PPP1R9B: variants seen among roughly 807,000 people sequenced by gnomAD.
PPP1R9B encodes neurabin-2.
PPP1R9B carries 17 observed loss-of-function variants against 75.8 expected under a neutral mutation model. The ratio of observed to expected loss-of-function variants is 0.22; its 90% CI spans 0.15 to 0.34. PPP1R9B has a LOEUF of 0.34. Ranked by LOEUF, PPP1R9B falls within the 10% of genes least tolerant of loss-of-function variation. The probability of loss-of-function intolerance (pLI) is 1.00; values close to 1 mark genes in which losing one functional copy is unlikely to be tolerated. For missense variants in PPP1R9B, 875 were observed against 1,196.0 expected (o/e 0.73, Z 3.96); for synonymous variants, 509 against 535.4 (o/e 0.95, Z 0.68).
Position 50,149,296 on chromosome 17 carries a change from C to A in PPP1R9B, c.1218G>T (p.Ala406=). ...CGTCGTCCTCCTCCAGGGCACTGCCCGCAGAGTCCTCCCCGAGCCCACTGT... is the reference window on the plus strand; with the variant it reads ...CGTCGTCCTCCTCCAGGGCACTGCCAGCAGAGTCCTCCCCGAGCCCACTGT... ...SAYSGLGEDS[A]GSALEEDDED... is the part of the protein sequence containing the mutation. The change falls in exon 1 of 10, where the codon GCG becomes GCT. Residue 406 remains alanine (A), a synonymous_variant. Transcript: ENST00000612501. This position sits in a 1 kb window ranked among gnomAD's most constrained non-coding sequence, Gnocchi z 7.2. 1 of 1,613,328 alleles carries A rather than the reference C, an allele frequency of 6.2e-7. No homozygotes were observed. The highest frequency in any genetic ancestry group is 2.2e-5 in the East Asian group (1 of 44,850).
In PPP1R9B at chr17:50,142,360, G is replaced by T. The variant is rs577119962; in HGVS notation, c.1626-987C>A. On this transcript the variant is annotated intron_variant, in intron 3 of 9. Transcript: ENST00000612501. The surrounding 1 kb of genome is among the most constrained non-coding windows in gnomAD (Gnocchi z 4.1). Reference sequence around the variant, plus strand: ...ATGCCACTCCCAGGTGGGCATGAGTGAGTGGCCACGGCCACCATGCACACT... The same window carrying T: ...ATGCCACTCCCAGGTGGGCATGAGTTAGTGGCCACGGCCACCATGCACACT... Among the ~76,000 whole-genome samples, 539 of 152,248 alleles carry T rather than the reference G, an allele frequency of 3.5e-3. 5 individuals carry two copies. The highest frequency in any genetic ancestry group is 0.012 in the African/African-American group (518 of 41,548).
At chr17:50,148,403 C>G (rs1788854159) in intron 1 of PPP1R9B, among the ~76,000 whole-genome samples, 1 of 152,210 alleles carries the variant, frequency 6.6e-6, no homozygotes, top group South Asian at 2.1e-4. Flanking sequence ...GGATCCCAGC[C>G]CCACCTCCTC....
In PPP1R9B at chr17:50,143,218, C is replaced by T. The variant is rs1356331867; in HGVS notation, c.1625+380G>A. ...CCATTGACTTCCCAGGGCCCAGCAC[C>T]GGCCCAACACTGTCAGAGACTCAAT... On this transcript the variant is annotated intron_variant, in intron 3 of 9. Transcript: ENST00000612501. Among the ~76,000 whole-genome samples, 4 of 152,078 alleles carry T rather than the reference C, an allele frequency of 2.6e-5. 1 individual carries two copies. Among genetic ancestry groups the T allele is most frequent in the East Asian group, 3.9e-4 (2 of 5,194 alleles).
chr17:50,143,876 G>T (rs1033200164), intron 2 of PPP1R9B, among the ~76,000 whole-genome samples, 158 bp from the exon 3 acceptor site: 3 of 152,234 alleles, frequency 2.0e-5, no homozygotes, highest in African/African-American at 7.2e-5. Flanking sequence ...CACCGTCTTT[G>T]CCAAGTCTAC....
chr17:50,148,599 T>G (rs1417748221), intron 1 of PPP1R9B, among the ~76,000 whole-genome samples: 1 of 151,974 alleles, frequency 6.6e-6, no homozygotes, highest in Admixed American at 6.5e-5. Context: ...AAAGTTGGGG[T>G]GGGGGTACAA....
At position 50,150,522 on chromosome 17, in the gene PPP1R9B, G is replaced by T. The variant is rs1455966192; in HGVS notation, c.-9C>A. On this transcript the variant is annotated 5_prime_UTR_variant, in exon 1 of 10. Coordinates refer to ENST00000612501, the MANE Select transcript of PPP1R9B (RefSeq NM_032595.5). This position sits in a 1 kb window ranked among gnomAD's most constrained non-coding sequence, Gnocchi z 8.7. ...GGCTCCGTCTTCATCATGGTGGGGG[G>T]AGCCGGGTTCGCATGCCCCTGCTCC... is the stretch of plus-strand genomic sequence containing the variant. The T allele has an allele frequency of 1.5e-6, 2 of 1,321,460 alleles. No homozygotes were observed. The highest frequency in any genetic ancestry group is 1.9e-6 in the Non-Finnish European group (2 of 1,034,546). The allele number at this position is 1,321,460 out of a possible 1,614,324, so 81.9% of individuals were successfully genotyped here. A position where few individuals can be genotyped will look rare whatever the true frequency, so the allele number is the denominator to read the frequency against.
At position 50,150,176 on chromosome 17, in the gene PPP1R9B, A is replaced by G; in HGVS notation, c.338T>C (p.Leu113Pro). ...ENVDHSALLK[L>P]GTSVSERVSR... The stretch of plus-strand genomic sequence containing the variant: ...CACGCGCTCCGACACGCTGGTGCCC[A>G]GCTTCAGCAGGGCGCTGTGGTCCAC... The change falls in exon 1 of 10, where the codon CTG becomes CCG. Residue 113 changes from leucine (L) to proline (P), a missense_variant. Coordinates refer to ENST00000612501, the MANE Select transcript of PPP1R9B (RefSeq NM_032595.5). The surrounding 1 kb of genome is among the most constrained non-coding windows in gnomAD (Gnocchi z 8.7). 1 of 1,454,814 alleles carries G rather than the reference A, an allele frequency of 6.9e-7. No homozygotes were observed. Among genetic ancestry groups the G allele is most frequent in the African/African-American group, 1.5e-5 (1 of 67,844 alleles). The allele number at this position is 1,454,814 out of a possible 1,614,324, so 90.1% of individuals were successfully genotyped here.
intron 9 of PPP1R9B, 83 bp downstream of exon 9, chr17:50,135,470 C>T: frequency 1.3e-6 from 2 of 1,572,600 alleles, no homozygotes; most frequent in Non-Finnish European, 1.7e-6. Flanking sequence ...GACATGGCAT[C>T]CCCTCCCTCC....
In PPP1R9B at chr17:50,150,178, C is replaced by A. The variant is rs367543204; in HGVS notation, c.336G>T (p.Lys112Asn). The A allele has an allele frequency of 2.1e-6, 3 of 1,456,034 alleles. No homozygotes were observed. The highest frequency in any genetic ancestry group is 2.7e-6 in the Non-Finnish European group (3 of 1,105,838). 90.2% of individuals were successfully genotyped at this position (1,456,034 alleles called of 1,614,324 possible). A position where few individuals can be genotyped will look rare whatever the true frequency, so the allele number is the denominator to read the frequency against. Residue 112 changes from lysine (K) to asparagine (N), a missense_variant, in exon 1 of 10, where the codon AAG (lysine) becomes AAT (asparagine). Lys to Asn is a moderately conservative substitution (Grantham distance 94, BLOSUM62 0). This residue lies in a region of PPP1R9B where 145 missense variants were observed against 226.1 expected (regional missense o/e 0.64). Transcript: ENST00000612501. The surrounding 1 kb of genome is among the most constrained non-coding windows in gnomAD (Gnocchi z 8.7). Reference sequence around the variant, plus strand: ...CGCGCTCCGACACGCTGGTGCCCAGCTTCAGCAGGGCGCTGTGGTCCACGT... The same window carrying A: ...CGCGCTCCGACACGCTGGTGCCCAGATTCAGCAGGGCGCTGTGGTCCACGT... ...NENVDHSALL[K>N]LGTSVSERVS...
chr17:50,141,291 G>A lies in PPP1R9B; in HGVS notation c.1708C>T (p.Arg570Trp), dbSNP rs762802980. The change falls in exon 4 of 10, where the codon CGG becomes TGG. Residue 570 changes from arginine (R) to tryptophan (W), a missense_variant. Arg to Trp is a moderately radical substitution (Grantham distance 101). Transcript: ENST00000612501. Reference sequence around the variant, plus strand: ...CACCGCACTCGGCCCTTGGTGTTCCGGAGCACAGACGCCGCGAAGCTCTGG... The same window carrying A: ...CACCGCACTCGGCCCTTGGTGTTCCAGAGCACAGACGCCGCGAAGCTCTGG... ...VTQSFAASVL[R>W]NTKGRVRFMI... is the part of the protein sequence containing the mutation. 4 of 1,586,954 alleles carry A rather than the reference G, an allele frequency of 2.5e-6. No homozygotes were observed. Among genetic ancestry groups the A allele is most frequent in the Non-Finnish European group, 3.4e-6 (4 of 1,167,592 alleles).
In PPP1R9B at chr17:50,141,264, C is replaced by T; in HGVS notation, c.1730+5G>A. On this transcript the variant is annotated splice_donor_5th_base_variant and intron_variant, in intron 4 of 9. Coordinates refer to ENST00000612501, the MANE Select transcript of PPP1R9B (RefSeq NM_032595.5). The stretch of plus-strand genomic sequence containing the variant: ...CTCCCACGCCCCACCCCTCTGGGCT[C>T]TCACCGCACTCGGCCCTTGGTGTTC... The T allele has an allele frequency of 6.4e-7, 1 of 1,566,376 alleles. No individual in the cohort carries two copies.
chr17:50,140,430 C>T (rs1912345123), intron 4 of PPP1R9B: 3 of 663,404 alleles, frequency 4.5e-6, no homozygotes, highest in Non-Finnish European at 7.6e-6. Context: ...GGCAGGAAGG[C>T]CCATTCACCC....
chr17:50,143,250 C>T (rs1030235583), intron 3 of PPP1R9B, among the ~76,000 whole-genome samples: 2 of 151,878 alleles, frequency 1.3e-5, no homozygotes, highest in East Asian at 1.9e-4. Flanking sequence ...CAATGTCCAG[C>T]GAAAAAAAAG....
chr17:50,149,893 C>A lies in PPP1R9B; in HGVS notation c.621G>T (p.Thr207=). Residue 207 remains threonine (T), a synonymous_variant, in exon 1 of 10, where the codon ACG becomes ACT. Transcript: ENST00000612501. This position sits in a 1 kb window ranked among gnomAD's most constrained non-coding sequence, Gnocchi z 7.2. The stretch of plus-strand genomic sequence containing the variant: ...CGAAGACGGCGCTGAGCTGGCTGAC[C>A]GTGGGGGACACGGCGTCAGCGTCCA... ...DKLDADAVSP[T]VSQLSAVFEK... 4.6e-6 allele frequency: 7 copies of A among 1,505,534 alleles called. No individual in the cohort carries two copies. Among genetic ancestry groups the A allele is most frequent in the Non-Finnish European group, 6.2e-6 (7 of 1,134,418 alleles). 93.3% of individuals were successfully genotyped at this position (1,505,534 alleles called of 1,614,324 possible).
rs1023051451 is a variant in PPP1R9B at position 50,135,886 on chromosome 17, A to G, written c.2303+82T>C. 3.5e-6 allele frequency: 4 copies of G among 1,149,732 alleles called. No homozygotes were observed. The African/African-American group carries it at 4.7e-5, about 13-fold the overall frequency. The allele number at this position is 1,149,732 out of a possible 1,614,324, so 71.2% of individuals were successfully genotyped here. On this transcript the variant is annotated intron_variant, in intron 8 of 9. Transcript: ENST00000612501. Reference sequence around the variant, plus strand: ...CTCCAACTTCTGTGCCTCCCTACTCAGCTGGAGGGATGGGGAGGGACTGTC... The same window carrying G: ...CTCCAACTTCTGTGCCTCCCTACTCGGCTGGAGGGATGGGGAGGGACTGTC...
At position 50,142,487 on chromosome 17, in the gene PPP1R9B, C is replaced by T. The variant is rs929342559; in HGVS notation, c.1625+1111G>A. Reference sequence around the variant, plus strand: ...AGGGTATCCTGTTCCCGGCCCCTCTCCATGCCACCTGGGCCACAACAGGTA... The same window carrying T: ...AGGGTATCCTGTTCCCGGCCCCTCTTCATGCCACCTGGGCCACAACAGGTA... On this transcript the variant is annotated intron_variant, in intron 3 of 9. Transcript: ENST00000612501. This position sits in a 1 kb window ranked among gnomAD's most constrained non-coding sequence, Gnocchi z 4.1. 4.6e-5 allele frequency among the ~76,000 whole-genome samples: 7 copies of T among 152,166 alleles called. No homozygotes were observed. The highest frequency in any genetic ancestry group is 1.4e-4 in the African/African-American group (6 of 41,426).
At chr17:50,143,479 C>T (rs1447892004) in intron 3 of PPP1R9B, 119 bp downstream of exon 3, 36 of 1,291,512 alleles carry the variant, frequency 2.8e-5, no homozygotes, top group Middle Eastern at 2.6e-4. Context: ...CAGCTGCACA[C>T]ACAGCACGGA....
intron 7 of PPP1R9B, among the ~76,000 whole-genome samples, chr17:50,138,153 C>CGTGTGTGTGT (rs58489923): frequency 1.4e-5 from 2 of 146,318 alleles, no homozygotes; most frequent in African/African-American, 2.5e-5. Flanking sequence ...GTGTATACTA[C>CGTGTGTGTGT]GTGTGTGTGT....
chr17:50,142,382 C>T lies in PPP1R9B; in HGVS notation c.1626-1009G>A, dbSNP rs983219157. On this transcript the variant is annotated intron_variant, in intron 3 of 9. Transcript: ENST00000612501. The surrounding 1 kb of genome is among the most constrained non-coding windows in gnomAD (Gnocchi z 4.1). ...AGTGAGTGGCCACGGCCACCATGCA[C>T]ACTCACTCCTTAGACAACCCACAGG... Among the ~76,000 whole-genome samples the T allele has an allele frequency of 6.6e-6, 1 of 152,196 alleles. No individual in the cohort carries two copies. The highest frequency in any genetic ancestry group is 2.4e-5 in the African/African-American group (1 of 41,446).
Sources: gnomAD v4.1 joint callset for allele counts (sites outside exome capture counted in the v4.1 genomes callset) on GRCh38, gnomAD v4.1.1 for gene constraint, gnomAD v4.1.1 regional missense constraint, Gnocchi (gnomAD v3.1) non-coding constraint, MANE v1.5 for transcripts, NCBI Gene and HGNC (gene_info 2026-07-23, HGNC 2026-07-21) for gene names.